Variants in PLCB1 observed in about 807,000 individuals in gnomAD.
The protein encoded by PLCB1 is phospholipase C beta 1.
PLCB1 carries 46 observed loss-of-function variants against 161.8 expected under a neutral mutation model. The observed-to-expected ratio is 0.28, with a 90% confidence interval of 0.22 to 0.36. PLCB1 has a LOEUF of 0.36. Ranked by LOEUF, PLCB1 falls within the 10% of genes least tolerant of loss-of-function variation. The pLI is 1.00. For synonymous variants in PLCB1, 517 were observed against 503.7 expected (o/e 1.03, Z -0.35); for missense variants, 1,016 against 1,472.5 (o/e 0.69, Z 5.07).
At chr20:8,440,040 TAAAC>T (rs1980486519) in intron 3 of PLCB1, among the ~76,000 whole-genome samples, 1 of 152,170 alleles carries the variant, frequency 6.6e-6, no homozygotes, top group African/African-American at 2.4e-5. Flanking sequence ...CAAAGAATGT[TAAAC>T]AAAAGGAATG....
At chr20:8,319,815 A>G (rs1705780710) in intron 2 of PLCB1, among the ~76,000 whole-genome samples, 1 of 147,860 alleles carries the variant, frequency 6.8e-6, no homozygotes, top group African/African-American at 2.5e-5. Context: ...TAATGTCACT[A>G]TCCAACACTG....
intron 3 of PLCB1, among the ~76,000 whole-genome samples, chr20:8,388,179 A>G (rs1987484827): frequency 6.6e-6 from 1 of 152,102 alleles, no homozygotes; most frequent in Admixed American, 6.5e-5. Context: ...AACTTTACTG[A>G]CAATACCCTT....
chr20:8,445,435 T>C (rs796484986), intron 3 of PLCB1, among the ~76,000 whole-genome samples: 5 of 151,476 alleles, frequency 3.3e-5, no homozygotes, highest in African/African-American at 1.2e-4. Context: ...TACCATGCTG[T>C]TTTGGTTACT....
At chr20:8,656,022 C>G (rs1989448329) in intron 7 of PLCB1, among the ~76,000 whole-genome samples, 1 of 151,934 alleles carries the variant, frequency 6.6e-6, no homozygotes, top group Admixed American at 6.6e-5. Flanking sequence ...TGGCAAAATA[C>G]TAATAAAACA....
At chr20:8,607,203 C>T (rs1987781421) in intron 3 of PLCB1, among the ~76,000 whole-genome samples, 1 of 152,184 alleles carries the variant, frequency 6.6e-6, no homozygotes, top group South Asian at 2.1e-4. Context: ...CACTTCTCTC[C>T]ATCTCCATAG....
intron 2 of PLCB1, among the ~76,000 whole-genome samples, chr20:8,297,938 C>T (rs1401182269): frequency 6.7e-6 from 1 of 148,782 alleles, no homozygotes; most frequent in Non-Finnish European, 1.5e-5. Flanking sequence ...ATTTTGCAGG[C>T]TCACATGCTT....
At chr20:8,717,944 A>G in intron 14 of PLCB1, 96 bp downstream of exon 14, 2 of 1,074,168 alleles carry the variant, frequency 1.9e-6, no homozygotes, top group Non-Finnish European at 2.5e-6. Flanking sequence ...TAATACTACT[A>G]CTTTTGGAGG....
intron 31 of PLCB1, among the ~76,000 whole-genome samples, chr20:8,807,562 T>G (rs1241898452): frequency 7.3e-6 from 1 of 136,060 alleles, no homozygotes; most frequent in Non-Finnish European, 1.5e-5. Context: ...ATGAATAGTG[T>G]TTTTTTTTTT....
At chr20:8,213,357 G>C (rs1411871085) in intron 2 of PLCB1, among the ~76,000 whole-genome samples, 7 of 152,132 alleles carry the variant, frequency 4.6e-5, no homozygotes, top group Non-Finnish European at 1.0e-4. Context: ...TCAGGGAAAA[G>C]CTCACTGGGA....
chr20:8,772,603 G>A (rs1326442622), intron 26 of PLCB1, among the ~76,000 whole-genome samples: 1 of 152,146 alleles, frequency 6.6e-6, no homozygotes, highest in Non-Finnish European at 1.5e-5. Flanking sequence ...TTGAAGAAAT[G>A]CCTTTATGCC....
At chr20:8,346,361 T>A (rs1986000394) in intron 2 of PLCB1, among the ~76,000 whole-genome samples, 1 of 152,176 alleles carries the variant, frequency 6.6e-6, no homozygotes, top group African/African-American at 2.4e-5. Context: ...TTAAAAACTA[T>A]GATTTTGACA....
chr20:8,509,372 T>C (rs955476340), intron 3 of PLCB1, among the ~76,000 whole-genome samples: 3 of 152,208 alleles, frequency 2.0e-5, no homozygotes, highest in African/African-American at 7.2e-5. Flanking sequence ...AAGTCATAAT[T>C]TGAGCTGAAG....
intron 2 of PLCB1, among the ~76,000 whole-genome samples, chr20:8,317,182 G>T (rs1984697896): frequency 6.6e-6 from 1 of 152,108 alleles, no homozygotes; most frequent in Non-Finnish European, 1.5e-5. Context: ...GATGAGAAGT[G>T]GATAGAGTCT....
intron 3 of PLCB1, among the ~76,000 whole-genome samples, chr20:8,394,367 A>G (rs1987700443): frequency 1.3e-5 from 2 of 152,180 alleles, no homozygotes; most frequent in Non-Finnish European, 2.9e-5. Flanking sequence ...AACTTTTAAT[A>G]GTCATAGTTT....
rs537804586 is a variant in PLCB1, at chr20:8,185,923, A to G, written c.177+35552A>G. Among the ~76,000 whole-genome samples the G allele has an allele frequency of 8.0e-4, 122 of 152,308 alleles. 1 individual carries two copies. Among genetic ancestry groups the G allele is most frequent in the Middle Eastern group, 3.4e-3 (1 of 294 alleles). ...AATTGCTGCATGAATGAGGATATCT[A>G]TCAAAATTGTGTGTATCAATTCTCC... On this transcript the variant is annotated intron_variant, in intron 2 of 31. Coordinates refer to ENST00000338037, the MANE Select transcript of PLCB1 (RefSeq NM_015192.4).
At chr20:8,233,106 C>G (rs752299674) in intron 2 of PLCB1, among the ~76,000 whole-genome samples, 1 of 152,168 alleles carries the variant, frequency 6.6e-6, no homozygotes, top group Non-Finnish European at 1.5e-5. Flanking sequence ...GCATGACCAC[C>G]AAATCACCTG....
rs143720881 is a variant in PLCB1 at position 8,276,638 on chromosome 20, A to C, written c.178-94744A>C. 3.0e-3 allele frequency among the ~76,000 whole-genome samples: 460 copies of C among 152,298 alleles called. 2 individuals are homozygous for C. Among genetic ancestry groups the C allele is most frequent in the African/African-American group, 0.011 (445 of 41,572 alleles). The stretch of plus-strand genomic sequence containing the variant: ...AGTACAAATTCTATTGGTTGTCCAA[A>C]GCTCTATTTGAGCTTTTTTCCAAAA... On this transcript the variant is annotated intron_variant, in intron 2 of 31. Transcript: ENST00000338037.
intron 2 of PLCB1, among the ~76,000 whole-genome samples, chr20:8,284,458 C>A (rs952268674): frequency 9.9e-5 from 15 of 152,068 alleles, no homozygotes; most frequent in Admixed American, 5.9e-4. Flanking sequence ...AAATTATTGG[C>A]CAAGCACAGT....
intron 4 of PLCB1, among the ~76,000 whole-genome samples, chr20:8,639,055 T>C (rs1253935891): frequency 6.6e-6 from 1 of 152,054 alleles, no homozygotes; most frequent in Non-Finnish European, 1.5e-5. Context: ...TTGTGGGTGG[T>C]AAGAGAATTT....
Sources: gnomAD v4.1 joint callset for allele counts (sites outside exome capture counted in the v4.1 genomes callset) on GRCh38, gnomAD v4.1.1 for gene constraint, MANE v1.5 for transcripts, NCBI Gene and HGNC (gene_info 2026-07-23, HGNC 2026-07-21) for gene names.